Variants in TENT5D observed in about 807,000 individuals in gnomAD.
TENT5D encodes the protein terminal nucleotidyltransferase 5D, also known as cancer/testis antigen 112.
For synonymous variants in TENT5D, 103 were observed against 100.6 expected, an observed-to-expected ratio of 1.02 and a Z score of -0.15; for missense variants, 191 against 287.0, an observed-to-expected ratio of 0.67 and a Z score of 2.42.
intron 2 of TENT5D, among the ~76,000 whole-genome samples, chrX:80,342,173 A>G (rs986916815): frequency 1.8e-5 from 2 of 111,990 alleles, no homozygotes; most frequent in African/African-American, 3.2e-5. Context: ...TATAAGAACT[A>G]TAAGTCAATC....
At chrX:80,408,110 A>T (rs2147550920) in intron 3 of TENT5D, among the ~76,000 whole-genome samples, 1 of 109,757 alleles carries the variant, frequency 9.1e-6, no homozygotes, top group East Asian at 2.9e-4. Flanking sequence ...CAGTGTGTAG[A>T]GGGAAATTTG....
At chrX:80,384,874 G>A (rs1330829397) in intron 3 of TENT5D, among the ~76,000 whole-genome samples, 1 of 110,015 alleles carries the variant, frequency 9.1e-6, no homozygotes, top group African/African-American at 3.3e-5. Context: ...GGGATGTGAA[G>A]GACCTCTTCA....
chrX:80,372,785 G>C (rs909639568), intron 3 of TENT5D, among the ~76,000 whole-genome samples: 1 of 108,618 alleles, frequency 9.2e-6, no homozygotes, highest in East Asian at 2.9e-4. Context: ...TACTCAGGAG[G>C]CTGAGGCAGG....
At chrX:80,418,729 C>G (rs1931826853), upstream of TENT5D, among the ~76,000 whole-genome samples, 1 of 111,645 alleles carries the variant, frequency 9.0e-6, no homozygotes, top group Non-Finnish European at 1.9e-5. Context: ...TGACCTATAT[C>G]TGATATATGT....
intron 3 of TENT5D, among the ~76,000 whole-genome samples, chrX:80,373,799 T>G (rs1258306372): frequency 9.0e-6 from 1 of 111,667 alleles, no homozygotes; most frequent in Admixed American, 9.6e-5. Context: ...CCATCTAATA[T>G]ATTTCATGTA....
chrX:80,433,833 C>G (rs1932132074), intron 1 of TENT5D, among the ~76,000 whole-genome samples: 1 of 111,300 alleles, frequency 9.0e-6, no homozygotes, highest in Non-Finnish European at 1.9e-5. Context: ...AACACTTTGA[C>G]TCTTAAAATG....
At chrX:80,412,365 A>C (rs909152611) in intron 3 of TENT5D, among the ~76,000 whole-genome samples, 1 of 112,510 alleles carries the variant, frequency 8.9e-6, no homozygotes, top group Admixed American at 9.4e-5. Flanking sequence ...TTTTCCCTGT[A>C]GTCTTGGGGA....
chrX:80,359,627 G>T (rs1252001540), intron 3 of TENT5D, among the ~76,000 whole-genome samples: 1 of 110,764 alleles, frequency 9.0e-6, no homozygotes, highest in East Asian at 2.9e-4. Flanking sequence ...CACACACCAG[G>T]GCCTATTGGG....
chrX:80,375,287 C>T lies in TENT5D; in HGVS notation c.-142+32723C>T, dbSNP rs183809075. Among the ~76,000 whole-genome samples the T allele has an allele frequency of 2.7e-5, 3 of 111,301 alleles. No individual in the cohort carries two copies. In the Admixed American group the frequency reaches 2.9e-4, roughly 11 times the overall value. On this transcript the variant is annotated intron_variant, in intron 3 of 4. Transcript: ENST00000538312. ...TTAGCTGTTATACTCATTTTCTGTG[C>T]AGTTAATTGTATATTTAATTGTATG...
At chrX:80,342,461 A>G (rs180754245) in intron 2 of TENT5D, 1 of 112,572 alleles carries the variant, frequency 8.9e-6, no homozygotes, top group Admixed American at 9.4e-5. Flanking sequence ...GATCCAGACT[A>G]TATAGAAATT....
intron 3 of TENT5D, among the ~76,000 whole-genome samples, chrX:80,408,553 A>T (rs1475595890): frequency 9.1e-6 from 1 of 110,326 alleles, no homozygotes; most frequent in Non-Finnish European, 1.9e-5. Flanking sequence ...ACCAGGAAGA[A>T]GTTGAATCTC....
At chrX:80,403,525 C>T (rs1339440963) in intron 3 of TENT5D, among the ~76,000 whole-genome samples, 1 of 112,364 alleles carries the variant, frequency 8.9e-6, no homozygotes, top group Admixed American at 9.4e-5. Flanking sequence ...TCAGCACTGT[C>T]GACATTTAGG....
intron 3 of TENT5D, among the ~76,000 whole-genome samples, chrX:80,397,378 C>G (rs1250364738): frequency 1.9e-5 from 2 of 106,955 alleles, no homozygotes; most frequent in Non-Finnish European, 3.9e-5. Context: ...GGATGGCGGC[C>G]GGGAAGAGGC....
chrX:80,404,816 A>G (rs948879848), intron 3 of TENT5D, among the ~76,000 whole-genome samples: 4 of 112,173 alleles, frequency 3.6e-5, no homozygotes, highest in Non-Finnish European at 7.5e-5. Context: ...TTAAAAACAC[A>G]TACAGAAAGT....
intron 3 of TENT5D, among the ~76,000 whole-genome samples, chrX:80,376,337 T>C: frequency 9.0e-6 from 1 of 111,669 alleles, no homozygotes; most frequent in Middle Eastern, 4.7e-3. Context: ...CATAAAAATA[T>C]ATCTGCTAGA....
chrX:80,351,794 C>T (rs961317154), intron 3 of TENT5D, among the ~76,000 whole-genome samples: 1 of 111,404 alleles, frequency 9.0e-6, no homozygotes, highest in Non-Finnish European at 1.9e-5. Context: ...ATTTATCTAC[C>T]TTTGATCTTT....
upstream of TENT5D, among the ~76,000 whole-genome samples, chrX:80,416,179 CT>C (rs1309093197): frequency 9.6e-6 from 1 of 104,498 alleles, no homozygotes; most frequent in African/African-American, 3.5e-5. Context: ...GATATTCTCT[CT>C]TTTGTCTTTA....
intron 3 of TENT5D, among the ~76,000 whole-genome samples, chrX:80,404,516 A>G (rs1398154888): frequency 8.9e-6 from 1 of 111,921 alleles, no homozygotes; most frequent in African/African-American, 3.3e-5. Flanking sequence ...TGCCTTTGAT[A>G]TTAATGGTTA....
upstream of TENT5D, among the ~76,000 whole-genome samples, chrX:80,416,089 A>G (rs923698701): frequency 4.6e-5 from 5 of 109,086 alleles, no homozygotes; most frequent in African/African-American, 1.7e-4. Flanking sequence ...AGAGGTACTC[A>G]AGGTTTTTTT....
Sources: gnomAD v4.1 joint callset for allele counts (sites outside exome capture counted in the v4.1 genomes callset) on GRCh38, gnomAD v4.1.1 for gene constraint, MANE v1.5 for transcripts, NCBI Gene and HGNC (gene_info 2026-07-23, HGNC 2026-07-21) for gene names.